PIWIL2: variants seen among roughly 807,000 people sequenced by gnomAD.
The protein encoded by PIWIL2 is piwi like RNA-mediated gene silencing 2, also known as piwi-like protein 2.
A neutral mutation model predicts 116.5 loss-of-function variants in PIWIL2; 81 were observed. The ratio of observed to expected loss-of-function variants is 0.70; its 90% CI spans 0.58 to 0.84. The LOEUF (loss-of-function observed/expected upper bound fraction) is 0.84, where lower values mean the gene tolerates loss of function less well. PIWIL2 is among the 40% of genes least tolerant of loss of function. The pLI is 0.00. For missense variants in PIWIL2, 1,272 were observed against 1,212.3 expected, an observed-to-expected ratio of 1.05 and a Z score of -0.73; for synonymous variants, 489 against 429.5, an observed-to-expected ratio of 1.14 and a Z score of -1.71.
At chr8:22,300,530 G>T (rs1175525561) in intron 10 of PIWIL2, among the ~76,000 whole-genome samples, 1 of 152,208 alleles carries the variant, frequency 6.6e-6, no homozygotes, top group African/African-American at 2.4e-5. Flanking sequence ...ATACCTGGGA[G>T]CGGAATGGCG....
chr8:22,293,747 GC>G (rs1830820727), intron 10 of PIWIL2, among the ~76,000 whole-genome samples: 1 of 152,142 alleles, frequency 6.6e-6, no homozygotes, highest in Non-Finnish European at 1.5e-5. Flanking sequence ...TCAAATCACT[GC>G]CTTATATGCT....
intron 20 of PIWIL2, among the ~76,000 whole-genome samples, chr8:22,318,654 C>T (rs1831524892): frequency 6.6e-6 from 1 of 152,138 alleles, no homozygotes. Flanking sequence ...TATGTGAACA[C>T]TTTACAGGAA....
In PIWIL2 at chr8:22,347,169, CAAAAAA is replaced by C. The variant is rs757849935; in HGVS notation, c.2404-5777_2404-5772del. Among the ~76,000 whole-genome samples the C allele has an allele frequency of 4.0e-5, 3 of 75,174 alleles. No individual in the cohort carries two copies. In the East Asian group the frequency reaches 1.3e-3, roughly 33 times the overall value. 49.3% of individuals were successfully genotyped at this position (75,174 alleles called of 152,430 possible). On this transcript the variant is annotated intron_variant, in intron 20 of 22. Transcript: ENST00000356766. ...TGGGCAACAGAGCAAGACGTTGTCT[CAAAAAA>C]AAAAAAAAAAAAGTAGCAAATTCAG...
intron 20 of PIWIL2, among the ~76,000 whole-genome samples, chr8:22,323,799 C>T (rs1831662024): frequency 6.6e-6 from 1 of 152,208 alleles, no homozygotes; most frequent in Non-Finnish European, 1.5e-5. Flanking sequence ...ATTAAAGTGT[C>T]TCCCAGATAT....
chr8:22,294,189 T>A (rs1167881550), intron 10 of PIWIL2, among the ~76,000 whole-genome samples: 2 of 149,590 alleles, frequency 1.3e-5, no homozygotes, highest in Non-Finnish European at 3.0e-5. Flanking sequence ...AATACAAAAA[T>A]TAGCCAGGCG....
chr8:22,347,169 C>CA (rs757849935), intron 20 of PIWIL2, among the ~76,000 whole-genome samples: 8,238 of 75,004 alleles, frequency 0.11, 288 homozygotes, highest in African/African-American at 0.15. Context: ...GACGTTGTCT[C>CA]AAAAAAAAAA....
At chr8:22,317,455 C>G (rs1400338222) in intron 19 of PIWIL2, among the ~76,000 whole-genome samples, 1 of 152,034 alleles carries the variant, frequency 6.6e-6, no homozygotes, top group Admixed American at 6.6e-5. Context: ...TATTCCTTAG[C>G]TTAATATGCA....
At chr8:22,348,325 G>C (rs1304296904) in intron 20 of PIWIL2, among the ~76,000 whole-genome samples, 1 of 152,092 alleles carries the variant, frequency 6.6e-6, no homozygotes, top group Non-Finnish European at 1.5e-5. Context: ...TTAATTTTCT[G>C]AGATAAGTGC....
In PIWIL2 at chr8:22,327,024, C is replaced by CTTTTTTTTTTTT. The variant is rs71544876; in HGVS notation, c.2403+8759_2403+8770dup. ...ACAATTGCTATTTTCTGTTTTTTTA[C>CTTTTTTTTTTTT]TTTTTTTTTTTTTTTTTTTTTGAGA... is the stretch of plus-strand genomic sequence containing the variant. On this transcript the variant is annotated intron_variant, in intron 20 of 22. Coordinates refer to ENST00000356766, the MANE Select transcript of PIWIL2 (RefSeq NM_018068.5). Among the ~76,000 whole-genome samples the CTTTTTTTTTTTT allele has an allele frequency of 2.8e-4, 30 of 105,426 alleles. 1 individual carries two copies. Among genetic ancestry groups the CTTTTTTTTTTTT allele is most frequent in the African/African-American group, 3.4e-4 (9 of 26,738 alleles). 69.2% of individuals were successfully genotyped at this position (105,426 alleles called of 152,430 possible).
chr8:22,314,829 G>A (rs763665758), intron 17 of PIWIL2, among the ~76,000 whole-genome samples, 200 bp from the exon 18 acceptor site: 1 of 151,910 alleles, frequency 6.6e-6, no homozygotes, highest in Admixed American at 6.6e-5. Context: ...TGGTGTGTGT[G>A]TATGTGTGTG....
chr8:22,344,808 C>T (rs1308803563), intron 20 of PIWIL2, among the ~76,000 whole-genome samples: 8 of 151,920 alleles, frequency 5.3e-5, no homozygotes, highest in Admixed American at 5.2e-4. Flanking sequence ...CCTGGGAGGT[C>T]AAGGCTGCAG....
At chr8:22,313,161 A>G (rs553955761) in intron 16 of PIWIL2, among the ~76,000 whole-genome samples, 7 of 152,286 alleles carry the variant, frequency 4.6e-5, no homozygotes, top group African/African-American at 1.7e-4. Context: ...ATCGCTTACC[A>G]ACTTATCTCA....
chr8:22,315,716 A>G (rs1831442746), intron 18 of PIWIL2, among the ~76,000 whole-genome samples: 1 of 152,212 alleles, frequency 6.6e-6, no homozygotes, highest in Admixed American at 6.5e-5. Context: ...TTTAAATAAA[A>G]TTTCACTGGA....
At chr8:22,292,392 G>A (rs1389392228) in intron 10 of PIWIL2, among the ~76,000 whole-genome samples, 1 of 152,238 alleles carries the variant, frequency 6.6e-6, no homozygotes, top group Admixed American at 6.5e-5. Flanking sequence ...GAGGATGGTA[G>A]CGATGGAGGT....
At position 22,346,540 on chromosome 8, in the gene PIWIL2, CCAGA is replaced by C. The variant is rs1321924985; in HGVS notation, c.2404-6415_2404-6412del. 3.9e-5 allele frequency among the ~76,000 whole-genome samples: 6 copies of C among 152,170 alleles called. No homozygotes were observed. The Middle Eastern group carries it at 0.01, about 259-fold the overall frequency. ...TTCATGGTTCACCACCTGAAGCCTC[CCAGA>C]CAGTCTTAAGCTCACATGTGATTTA... On this transcript the variant is annotated intron_variant, in intron 20 of 22. Coordinates refer to ENST00000356766, the MANE Select transcript of PIWIL2 (RefSeq NM_018068.5).
rs1301920660 is a variant in PIWIL2, at chr8:22,355,689, G to A, written c.*184G>A. The A allele has an allele frequency of 3.2e-6, 2 of 618,382 alleles. No individual in the cohort carries two copies. Among genetic ancestry groups the A allele is most frequent in the African/African-American group, 3.7e-5 (2 of 54,226 alleles). 38.3% of individuals were successfully genotyped at this position (618,382 alleles called of 1,614,324 possible). A position where few individuals can be genotyped will look rare whatever the true frequency, so the allele number is the denominator to read the frequency against. ...ATATCACCAAGAAGCAAGTTTCTGA[G>A]TAACAGCTGAAAATGGCCTTGTTGC... On this transcript the variant is annotated 3_prime_UTR_variant, in exon 23 of 23. Coordinates refer to ENST00000356766, the MANE Select transcript of PIWIL2 (RefSeq NM_018068.5).
chr8:22,343,913 AC>A (rs1054359668), intron 20 of PIWIL2, among the ~76,000 whole-genome samples: 6 of 152,234 alleles, frequency 3.9e-5, no homozygotes, highest in Admixed American at 2.6e-4. Flanking sequence ...TTGAAAACTT[AC>A]GCCCACACAA....
At chr8:22,295,077 T>TG (rs1830865590) in intron 10 of PIWIL2, among the ~76,000 whole-genome samples, 1 of 151,512 alleles carries the variant, frequency 6.6e-6, no homozygotes, top group Non-Finnish European at 1.5e-5. Flanking sequence ...AGACTTCGTC[T>TG]GGGGGAAAAA....
chr8:22,333,974 T>G (rs1359002206), intron 20 of PIWIL2, among the ~76,000 whole-genome samples: 7 of 140,652 alleles, frequency 5.0e-5, no homozygotes, highest in Admixed American at 1.4e-4. Flanking sequence ...TTTTTTTGTG[T>G]TTTTTTTTTT....
Sources: gnomAD v4.1 joint callset for allele counts (sites outside exome capture counted in the v4.1 genomes callset) on GRCh38, gnomAD v4.1.1 for gene constraint, MANE v1.5 for transcripts, NCBI Gene and HGNC (gene_info 2026-07-23, HGNC 2026-07-21) for gene names.